Variants in EXOC6B observed in about 807,000 individuals in gnomAD.
The protein encoded by EXOC6B is exocyst complex component 6B, also known as SEC15 homolog B.
Under a neutral mutation model 113.5 loss-of-function variants are expected in EXOC6B, and 54 were observed. That is an observed-to-expected ratio of 0.48 (90% CI 0.38 to 0.60). The LOEUF (loss-of-function observed/expected upper bound fraction) is 0.60, where lower values mean the gene tolerates loss of function less well. Among genes scored for constraint, EXOC6B ranks in the 20% least tolerant of loss-of-function variants. EXOC6B has a pLI of 0.00. For synonymous variants in EXOC6B, 357 were observed against 339.0 expected, an observed-to-expected ratio of 1.05 and a Z score of -0.58; for missense variants, 797 against 977.5, an observed-to-expected ratio of 0.82 and a Z score of 2.46.
chr2:72,390,224 C>A (rs957407900), intron 18 of EXOC6B, among the ~76,000 whole-genome samples: 21 of 152,160 alleles, frequency 1.4e-4, no homozygotes, highest in Admixed American at 1.3e-3. Flanking sequence ...GTGTAATTTT[C>A]ATTTTAGATA....
intron 1 of EXOC6B, among the ~76,000 whole-genome samples, chr2:72,747,616 T>A (rs922235793): frequency 6.6e-6 from 1 of 152,032 alleles, no homozygotes; most frequent in Non-Finnish European, 1.5e-5. Flanking sequence ...AAGGAAAGTA[T>A]CCTAAATGAT....
intron 11 of EXOC6B, among the ~76,000 whole-genome samples, chr2:72,510,994 A>T (rs2105656626): frequency 6.6e-6 from 1 of 152,246 alleles, no homozygotes; most frequent in Admixed American, 6.5e-5. Context: ...AAACATTTCA[A>T]GTTTGCCAGA....
intron 11 of EXOC6B, among the ~76,000 whole-genome samples, chr2:72,507,670 A>T (rs373588706): frequency 6.0e-4 from 92 of 152,202 alleles, no homozygotes; most frequent in African/African-American, 2.0e-3. Flanking sequence ...TTACCTCTAC[A>T]GATCAATGCT....
At chr2:72,537,384 A>G (rs1488918176) in intron 8 of EXOC6B, among the ~76,000 whole-genome samples, 1 of 150,398 alleles carries the variant, frequency 6.6e-6, no homozygotes, top group African/African-American at 2.4e-5. Flanking sequence ...GGTGGATCGT[A>G]TTACTTTAAC....
intron 18 of EXOC6B, among the ~76,000 whole-genome samples, chr2:72,426,661 C>A (rs79643993): frequency 0.019 from 2,901 of 152,320 alleles, 81 homozygotes; most frequent in African/African-American, 0.066. Flanking sequence ...TCAGACCCCA[C>A]CTCTCCTATC....
At chr2:72,711,049 T>TA (rs2104688895) in intron 6 of EXOC6B, among the ~76,000 whole-genome samples, 1 of 152,274 alleles carries the variant, frequency 6.6e-6, no homozygotes, top group Admixed American at 6.5e-5. Flanking sequence ...CCACAAAGCC[T>TA]AAAGCAAACT....
At chr2:72,284,175 A>G (rs765209852) in intron 20 of EXOC6B, among the ~76,000 whole-genome samples, 11 of 152,160 alleles carry the variant, frequency 7.2e-5, no homozygotes, top group Non-Finnish European at 1.3e-4. Context: ...AAGATATTAC[A>G]AGAAAACTAC....
intron 19 of EXOC6B, among the ~76,000 whole-genome samples, chr2:72,361,901 T>G (rs1690338149): frequency 1.3e-5 from 2 of 152,200 alleles, no homozygotes; most frequent in African/African-American, 4.8e-5. Flanking sequence ...TGATGTGATC[T>G]TTCAGTCAGA....
At chr2:72,608,119 C>A (rs1432438550) in intron 6 of EXOC6B, among the ~76,000 whole-genome samples, 2 of 151,992 alleles carry the variant, frequency 1.3e-5, no homozygotes, top group East Asian at 1.9e-4. Flanking sequence ...ACACAACATA[C>A]AAGATTCTAA....
chr2:72,741,530 T>C, intron 1 of EXOC6B, 61 bp from the exon 2 acceptor site: 1 of 1,494,288 alleles, frequency 6.7e-7, no homozygotes, highest in Non-Finnish European at 9.0e-7. Context: ...AAAAACAAAA[T>C]TATAAATCCA....
intron 18 of EXOC6B, among the ~76,000 whole-genome samples, chr2:72,400,678 A>C (rs1693077108): frequency 6.6e-6 from 1 of 151,894 alleles, no homozygotes; most frequent in Non-Finnish European, 1.5e-5. Context: ...GCCAAAAAAA[A>C]AAAAGAAAAA....
chr2:72,450,862 CCTTATG>C (rs771067746), intron 18 of EXOC6B, among the ~76,000 whole-genome samples: 88 of 152,128 alleles, frequency 5.8e-4, no homozygotes, highest in Non-Finnish European at 1.0e-3. Flanking sequence ...AAGCCATAAA[CCTTATG>C]CTCATTAGAC....
At chr2:72,728,155 G>A (rs1435624928) in intron 5 of EXOC6B, among the ~76,000 whole-genome samples, 1 of 152,116 alleles carries the variant, frequency 6.6e-6, no homozygotes, top group African/African-American at 2.4e-5. Flanking sequence ...TCACCATAGA[G>A]AACAACAATA....
chr2:72,278,196 T>C (rs1205776388), intron 20 of EXOC6B, among the ~76,000 whole-genome samples: 2 of 152,230 alleles, frequency 1.3e-5, no homozygotes, highest in Admixed American at 1.3e-4. Context: ...TTCCTCACTC[T>C]GCATTCACCC....
chr2:72,536,447 T>C (rs1237136918), intron 8 of EXOC6B, among the ~76,000 whole-genome samples: 1 of 152,242 alleles, frequency 6.6e-6, no homozygotes, highest in South Asian at 2.1e-4. Context: ...ATATGTTGCA[T>C]ATTGCATTCA....
At chr2:72,230,036 G>T (rs1251583514) in intron 20 of EXOC6B, among the ~76,000 whole-genome samples, 1 of 151,968 alleles carries the variant, frequency 6.6e-6, no homozygotes, top group Admixed American at 6.6e-5. Flanking sequence ...GAGTAAGGAG[G>T]GGGAGGAATG....
intron 20 of EXOC6B, among the ~76,000 whole-genome samples, chr2:72,320,201 A>T (rs1687770917): frequency 6.7e-6 from 1 of 148,802 alleles, no homozygotes; most frequent in Non-Finnish European, 1.5e-5. Flanking sequence ...ATATTTACAT[A>T]TATATTTTTA....
chr2:72,384,612 T>C (rs1009958885), intron 18 of EXOC6B, among the ~76,000 whole-genome samples: 1 of 152,026 alleles, frequency 6.6e-6, no homozygotes, highest in African/African-American at 2.4e-5. Flanking sequence ...TGATCTTATA[T>C]AGACAGAACT....
chr2:72,453,322 C>A (rs528734797), intron 18 of EXOC6B, among the ~76,000 whole-genome samples: 4 of 151,926 alleles, frequency 2.6e-5, no homozygotes, highest in African/African-American at 9.6e-5. Context: ...AATTTATAAG[C>A]AAAAGGAAAT....
Sources: gnomAD v4.1 joint callset for allele counts (sites outside exome capture counted in the v4.1 genomes callset) on GRCh38, gnomAD v4.1.1 for gene constraint, MANE v1.5 for transcripts, NCBI Gene and HGNC (gene_info 2026-07-23, HGNC 2026-07-21) for gene names.